Variants in UBE3C observed in about 807,000 individuals in gnomAD.
UBE3C encodes the protein ubiquitin protein ligase E3C, also known as ubiquitin-protein ligase E3C.
A neutral mutation model predicts 129.4 loss-of-function variants in UBE3C; 42 were observed. That is an observed-to-expected ratio of 0.32 (90% confidence interval 0.25 to 0.42). UBE3C has a LOEUF of 0.42. Among genes scored for constraint, UBE3C ranks in the 10% least tolerant of loss-of-function variants. UBE3C has a pLI of 1.00. For synonymous variants in UBE3C, 510 were observed against 492.4 expected (o/e 1.04, Z -0.47); for missense variants, 1,049 against 1,319.1 (o/e 0.80, Z 3.17).
chr7:157,205,955 C>T (rs1197142504), intron 11 of UBE3C, among the ~76,000 whole-genome samples: 1 of 152,186 alleles, frequency 6.6e-6, no homozygotes, highest in Non-Finnish European at 1.5e-5. Flanking sequence ...AACAAGTGGC[C>T]TTACCTTCTG....
At chr7:157,140,196 G>A (rs910695125) in intron 1 of UBE3C, among the ~76,000 whole-genome samples, 1 of 137,496 alleles carries the variant, frequency 7.3e-6, no homozygotes, top group Non-Finnish European at 1.6e-5. Context: ...TTTCTGAAAT[G>A]TTCTTTAAAA....
intron 9 of UBE3C, among the ~76,000 whole-genome samples, chr7:157,184,664 AGT>A (rs778296570): frequency 3.9e-5 from 6 of 152,232 alleles, no homozygotes; most frequent in Non-Finnish European, 8.8e-5. Flanking sequence ...ATTACTACTA[AGT>A]GTAATCACAG....
Position 157,254,257 on chromosome 7 carries a change from G to A in UBE3C, c.2897G>A (p.Gly966Asp). Reference protein sequence around the residue: ...DQQEIQVLISGAQVPISLEDL... With the variant: ...DQQEIQVLISDAQVPISLEDL... ...TTTTTTCCTTAGGTATTAATTTCTG[G>A]TGCACAAGTTCCCATAAGCCTAGAG... The change falls in exon 21 of 23, where the codon GGT (glycine) becomes GAT (aspartate). Residue 966 changes from glycine to aspartate, a missense_variant. This residue lies in a region of UBE3C where 243 missense variants were observed against 368.7 expected (regional missense o/e 0.66). Coordinates refer to ENST00000348165, the MANE Select transcript of UBE3C (RefSeq NM_014671.3). 6.2e-7 allele frequency: 1 copy of A among 1,613,416 alleles called. No individual in the cohort carries two copies. The highest frequency in any genetic ancestry group is 8.5e-7 in the Non-Finnish European group (1 of 1,179,876).
At chr7:157,170,229 A>G in intron 3 of UBE3C, 75 bp from the exon 4 acceptor site, 1 of 1,259,166 alleles carries the variant, frequency 7.9e-7, no homozygotes, top group Non-Finnish European at 1.0e-6. Context: ...AAACACAGCA[A>G]CGTATATTTA....
At chr7:157,153,123 G>C (rs962188600) in intron 1 of UBE3C, among the ~76,000 whole-genome samples, 2 of 152,118 alleles carry the variant, frequency 1.3e-5, no homozygotes, top group Non-Finnish European at 2.9e-5. Context: ...TTGAACCCCA[G>C]GGGAGCAGAG....
chr7:157,197,734 G>A, intron 10 of UBE3C: 2 of 1,608,472 alleles, frequency 1.2e-6, no homozygotes. Context: ...GGACAAGACT[G>A]TACAATAAAG....
At chr7:157,204,637 C>G (rs991219185) in intron 11 of UBE3C, among the ~76,000 whole-genome samples, 2 of 152,046 alleles carry the variant, frequency 1.3e-5, no homozygotes, top group African/African-American at 4.8e-5. Flanking sequence ...ATTCATTTAC[C>G]TCATTTTCAG....
chr7:157,243,636 A>G (rs1487269154), intron 18 of UBE3C, among the ~76,000 whole-genome samples: 1 of 152,158 alleles, frequency 6.6e-6, no homozygotes, highest in African/African-American at 2.4e-5. Flanking sequence ...ACACTGGGAC[A>G]ACACGGATTT....
chr7:157,164,438 A>C, intron 2 of UBE3C: 1 of 456,708 alleles, frequency 2.2e-6, no homozygotes, highest in South Asian at 1.5e-5. Context: ...TACAGGCGTG[A>C]ACTGCCTCGT....
chr7:157,209,367 A>T (rs1406828111), intron 13 of UBE3C, among the ~76,000 whole-genome samples: 5 of 152,222 alleles, frequency 3.3e-5, no homozygotes, highest in African/African-American at 4.8e-5. Flanking sequence ...GATTGATGTA[A>T]TATATGTTTG....
chr7:157,220,870 T>C, intron 15 of UBE3C, 94 bp downstream of exon 15: 3 of 1,373,400 alleles, frequency 2.2e-6, no homozygotes, highest in Non-Finnish European at 3.0e-6. Flanking sequence ...TTCATAAACT[T>C]ATACAGCCAT....
chr7:157,227,296 G>A lies in UBE3C; in HGVS notation c.2233+1757G>A, dbSNP rs3757830. Among the ~76,000 whole-genome samples the A allele has an allele frequency of 2.7e-3, 414 of 152,276 alleles. 5 individuals carry two copies. Among genetic ancestry groups the A allele is most frequent in the Admixed American group, 0.022 (343 of 15,294 alleles). On this transcript the variant is annotated intron_variant, in intron 17 of 22. Coordinates refer to ENST00000348165, the MANE Select transcript of UBE3C (RefSeq NM_014671.3). Reference sequence around the variant, plus strand: ...TGAGTTTGTGGGTGAGGGGAGCTCCGAGGGCACGGGTGCTGTGGTCAGGGG... The same window carrying A: ...TGAGTTTGTGGGTGAGGGGAGCTCCAAGGGCACGGGTGCTGTGGTCAGGGG...
intron 1 of UBE3C, among the ~76,000 whole-genome samples, chr7:157,160,763 A>G (rs1157699077): frequency 6.6e-6 from 1 of 152,142 alleles, no homozygotes; most frequent in Non-Finnish European, 1.5e-5. Context: ...ACATTAGTAG[A>G]TCTTGTCTGC....
Position 157,207,833 on chromosome 7 carries a change from A to T in UBE3C, c.1707A>T (p.Arg569=), listed in dbSNP as rs1425947890. The change falls in exon 13 of 23, where the codon CGA becomes CGT. Residue 569 remains arginine (R), a synonymous_variant. Coordinates refer to ENST00000348165, the MANE Select transcript of UBE3C (RefSeq NM_014671.3). ...ATCCAGAAACCAAGCCAGAAGTTCG[A>T]GAAGAATATATTACAGCATTTCAGA... is the stretch of plus-strand genomic sequence containing the variant. ...LAYPETKPEV[R]EEYITAFQSI... 2 of 1,614,040 alleles carry T rather than the reference A, an allele frequency of 1.2e-6. No individual in the cohort carries two copies. Among genetic ancestry groups the T allele is most frequent in the African/African-American group, 2.7e-5 (2 of 74,944 alleles).
chr7:157,184,046 G>A lies in UBE3C; in HGVS notation c.1143+17G>A, dbSNP rs1808742050. ...TCAAGCCCGGTAAGCCCCGTGCCCT[G>A]CATCTGGGGGGCTGCGATGCAGGCA... is the stretch of plus-strand genomic sequence containing the variant. On this transcript the variant is annotated intron_variant, in intron 9 of 22. Transcript: ENST00000348165. 2 of 1,609,602 alleles carry A rather than the reference G, an allele frequency of 1.2e-6. No individual in the cohort carries two copies. The highest frequency in any genetic ancestry group is 1.1e-5 in the South Asian group (1 of 90,932).
chr7:157,222,431 C>CT (rs1424956701), intron 15 of UBE3C: 1 of 140,572 alleles, frequency 7.1e-6, no homozygotes, highest in African/African-American at 2.7e-5. Flanking sequence ...TTCTTTCTTT[C>CT]TTTTTTGAGG....
At chr7:157,142,224 C>G (rs981174841) in intron 1 of UBE3C, among the ~76,000 whole-genome samples, 1 of 152,184 alleles carries the variant, frequency 6.6e-6, no homozygotes, top group Non-Finnish European at 1.5e-5. Flanking sequence ...TATAGTGACC[C>G]TTTTCTCATG....
intron 13 of UBE3C, 123 bp downstream of exon 13, chr7:157,208,058 T>C (rs1809488450): frequency 9.3e-6 from 1 of 107,832 alleles, no homozygotes; most frequent in East Asian, 2.3e-4. Context: ...TGCAAGACTT[T>C]TTTTTTTTTT....
intron 18 of UBE3C, among the ~76,000 whole-genome samples, chr7:157,233,991 T>C (rs996575864): frequency 6.6e-6 from 1 of 152,230 alleles, no homozygotes; most frequent in African/African-American, 2.4e-5. Context: ...TGTTGAGAAA[T>C]GTCTATTCAA....
Sources: allele counts gnomAD v4.1 joint callset (sites outside exome capture counted in the v4.1 genomes callset), GRCh38; gene constraint gnomAD v4.1.1; regional missense constraint gnomAD v4.1.1; transcripts MANE v1.5; gene names NCBI Gene and HGNC (gene_info 2026-07-23, HGNC 2026-07-21).